Variants in DLGAP1 observed in about 807,000 individuals in gnomAD.
The protein encoded by DLGAP1 is disks large-associated protein 1.
In DLGAP1, 11 loss-of-function variants were observed where a neutral mutation model predicts 90.8. The ratio of observed to expected loss-of-function variants is 0.12; its 90% CI spans 0.08 to 0.20. The LOEUF is 0.20. Ranked by LOEUF, DLGAP1 falls within the 10% of genes least tolerant of loss-of-function variation. The probability of loss-of-function intolerance (pLI) is 1.00; values close to 1 mark genes in which losing one functional copy is unlikely to be tolerated. For missense variants in DLGAP1, 1,050 were observed against 1,333.8 expected, an observed-to-expected ratio of 0.79 and a Z score of 3.31; for synonymous variants, 558 against 540.7, an observed-to-expected ratio of 1.03 and a Z score of -0.44.
intron 1 of DLGAP1, among the ~76,000 whole-genome samples, chr18:4,397,956 T>C (rs1021184625): frequency 2.0e-5 from 3 of 152,210 alleles, no homozygotes; most frequent in African/African-American, 7.2e-5. Flanking sequence ...TGTGTGCTTC[T>C]ATTTTTAAGA....
At chr18:4,124,671 T>A (rs1049640820) in intron 2 of DLGAP1, among the ~76,000 whole-genome samples, 1 of 152,248 alleles carries the variant, frequency 6.6e-6, no homozygotes, top group African/African-American at 2.4e-5. Flanking sequence ...TTCAATACTT[T>A]GTATTTTCTA....
chr18:3,724,953 T>C (rs1007544612), intron 7 of DLGAP1, among the ~76,000 whole-genome samples: 3 of 151,294 alleles, frequency 2.0e-5, no homozygotes, highest in African/African-American at 7.3e-5. Flanking sequence ...AGAGAATATA[T>C]ATCATGATAG....
At chr18:3,600,819 G>GAT (rs71366691) in intron 7 of DLGAP1, among the ~76,000 whole-genome samples, 4,384 of 55,546 alleles carry the variant, frequency 0.079, 911 homozygotes, top group African/African-American at 0.11. Flanking sequence ...GATATATATA[G>GAT]ATATATAGAT....
At chr18:4,106,125 G>A (rs574763910) in intron 2 of DLGAP1, among the ~76,000 whole-genome samples, 1 of 149,654 alleles carries the variant, frequency 6.7e-6, no homozygotes, top group African/African-American at 2.5e-5. Flanking sequence ...GTTTTAAGAA[G>A]TAGCAGTTGG....
intron 1 of DLGAP1, among the ~76,000 whole-genome samples, chr18:4,437,478 C>T (rs995323354): frequency 2.0e-5 from 3 of 152,170 alleles, no homozygotes; most frequent in Non-Finnish European, 4.4e-5. Context: ...TTTAAATAAT[C>T]TCCAGGCTAA....
At chr18:4,142,692 T>C (rs1036114711) in intron 2 of DLGAP1, among the ~76,000 whole-genome samples, 1 of 152,190 alleles carries the variant, frequency 6.6e-6, no homozygotes, top group South Asian at 2.1e-4. Flanking sequence ...AATAGAAAAA[T>C]AGCCAACAGG....
chr18:4,071,332 T>C (rs138423339), intron 2 of DLGAP1, among the ~76,000 whole-genome samples: 92 of 152,288 alleles, frequency 6.0e-4, no homozygotes, highest in African/African-American at 2.2e-3. Flanking sequence ...GGAATCTTTC[T>C]TTGGGAAAAT....
At chr18:3,793,302 T>C (rs555265590) in intron 5 of DLGAP1, among the ~76,000 whole-genome samples, 2 of 152,242 alleles carry the variant, frequency 1.3e-5, no homozygotes, top group Admixed American at 6.5e-5. Context: ...ACCTGTCCAC[T>C]GCCCCACCCT....
intron 1 of DLGAP1, among the ~76,000 whole-genome samples, chr18:4,282,192 G>A (rs989101641): frequency 2.6e-5 from 4 of 151,840 alleles, no homozygotes; most frequent in Non-Finnish European, 4.4e-5. Context: ...GTGAAACTCC[G>A]TCTCTACTAA....
chr18:4,297,591 T>C (rs952689792), intron 1 of DLGAP1, among the ~76,000 whole-genome samples: 1 of 152,202 alleles, frequency 6.6e-6, no homozygotes, highest in Non-Finnish European at 1.5e-5. Context: ...CAAAGGGTAC[T>C]GCAAGGATGT....
chr18:3,656,903 C>T (rs1055624766), intron 7 of DLGAP1, among the ~76,000 whole-genome samples: 4 of 152,108 alleles, frequency 2.6e-5, no homozygotes, highest in Non-Finnish European at 4.4e-5. Context: ...CCCGCCAGCA[C>T]GCCCGGCTAA....
chr18:4,417,646 G>C (rs2082929518), intron 1 of DLGAP1, among the ~76,000 whole-genome samples: 37 of 152,184 alleles, frequency 2.4e-4, no homozygotes, highest in Admixed American at 2.4e-3. Flanking sequence ...AGTGTCCAGA[G>C]TGAAGGGCAA....
chr18:4,333,475 C>T lies in DLGAP1; in HGVS notation c.-267+121531G>A, dbSNP rs2080995144. Among the ~76,000 whole-genome samples, 3 of 151,266 alleles carry T rather than the reference C, an allele frequency of 2.0e-5. 1 individual carries two copies. The highest frequency in any genetic ancestry group is 7.4e-5 in the African/African-American group (3 of 40,792). ...TTGGATAGGAAGACCTATAATGTCA[C>T]TATCAATAGAGAGAGAGAAATAATT... On this transcript the variant is annotated intron_variant, in intron 1 of 12. Coordinates refer to ENST00000315677, the MANE Select transcript of DLGAP1 (RefSeq NM_004746.4).
Position 3,568,900 on chromosome 18 carries a change from A to G in DLGAP1, c.1966-1319T>C, listed in dbSNP as rs544859487. 1.3e-3 allele frequency among the ~76,000 whole-genome samples: 191 copies of G among 151,942 alleles called. 1 individual carries two copies. The highest frequency in any genetic ancestry group is 4.3e-3 in the African/African-American group (179 of 41,470). On this transcript the variant is annotated intron_variant, in intron 8 of 12. Transcript: ENST00000315677. ...ACGGGGTTTCACTGTGTTAGCCAGG[A>G]TGGTCTCGATCTCCTGACCTCGTGA... is the stretch of plus-strand genomic sequence containing the variant.
intron 3 of DLGAP1, among the ~76,000 whole-genome samples, chr18:3,910,565 G>A (rs1259523908): frequency 1.3e-5 from 2 of 152,152 alleles, no homozygotes; most frequent in Non-Finnish European, 2.9e-5. Context: ...GACCTCAGGT[G>A]AAGTGAAGTT....
chr18:3,832,668 C>CT lies in DLGAP1; in HGVS notation c.958-18396dup, dbSNP rs531665859. On this transcript the variant is annotated intron_variant, in intron 4 of 12. Coordinates refer to ENST00000315677, the MANE Select transcript of DLGAP1 (RefSeq NM_004746.4). ...TGTTGGAACGGCCACAGAGAACCTT[C>CT]TTTTTTTTTTTTTCCCAGGAGGGAA... 9.1e-3 allele frequency among the ~76,000 whole-genome samples: 1,290 copies of CT among 142,476 alleles called. 11 individuals carry two copies. The highest frequency in any genetic ancestry group is 0.023 in the African/African-American group (911 of 39,098). The allele number at this position is 142,476 out of a possible 152,430, so 93.5% of individuals were successfully genotyped here. A position where few individuals can be genotyped will look rare whatever the true frequency, so the allele number is the denominator to read the frequency against.
intron 6 of DLGAP1, among the ~76,000 whole-genome samples, chr18:3,741,173 TCACCAC>T (rs576587206): frequency 4.7e-4 from 11 of 23,502 alleles, no homozygotes; most frequent in East Asian, 2.4e-3. Flanking sequence ...CACCACCACA[TCACCAC>T]CACCACCACC....
At chr18:3,762,707 T>C (rs2064024547) in intron 5 of DLGAP1, among the ~76,000 whole-genome samples, 1 of 152,210 alleles carries the variant, frequency 6.6e-6, no homozygotes, top group African/African-American at 2.4e-5. Flanking sequence ...GTATCTCTTC[T>C]ATGTAATCGC....
intron 2 of DLGAP1, among the ~76,000 whole-genome samples, chr18:4,089,771 C>T (rs1018496018): frequency 1.3e-5 from 2 of 152,176 alleles, no homozygotes; most frequent in Non-Finnish European, 2.9e-5. Context: ...CCTGGCCGGG[C>T]ACGGTGGCTC....
Sources: gnomAD v4.1 joint callset for allele counts (sites outside exome capture counted in the v4.1 genomes callset) on GRCh38, gnomAD v4.1.1 for gene constraint, MANE v1.5 for transcripts, NCBI Gene and HGNC (gene_info 2026-07-23, HGNC 2026-07-21) for gene names.